The following CSMD1 variants were observed in gnomAD, a reference collection of about 807,000 sequenced individuals.
The protein encoded by CSMD1 is CUB and Sushi multiple domains 1.
A neutral mutation model predicts 417.5 loss-of-function variants in CSMD1; 213 were observed. The ratio of observed to expected loss-of-function variants is 0.51; its 90% CI spans 0.46 to 0.57. CSMD1 has a LOEUF of 0.57. CSMD1 is among the 20% of genes least tolerant of loss of function. The pLI is 0.00. For synonymous variants in CSMD1, 2,862 were observed against 1,736.8 expected, an observed-to-expected ratio of 1.65 and a Z score of -16.11; for missense variants, 6,923 against 4,529.7, an observed-to-expected ratio of 1.53 and a Z score of -15.17.
In CSMD1 at chr8:3,655,745, T is replaced by C. The variant is rs115772818; in HGVS notation, c.1010-38948A>G. 3.2e-3 allele frequency among the ~76,000 whole-genome samples: 485 copies of C among 151,726 alleles called. 3 individuals carry two copies. The highest frequency in any genetic ancestry group is 0.011 in the African/African-American group (454 of 41,306). ...TTATAATTCAGCACAAACATGCTCATTGGGAAATTAGCTACGGCTGTAGGA... is the reference window on the plus strand; with the variant it reads ...TTATAATTCAGCACAAACATGCTCACTGGGAAATTAGCTACGGCTGTAGGA... On this transcript the variant is annotated intron_variant, in intron 7 of 69. Coordinates refer to ENST00000635120, the MANE Select transcript of CSMD1 (RefSeq NM_033225.6).
intron 10 of CSMD1, among the ~76,000 whole-genome samples, chr8:3,561,925 G>C (rs1302946749): frequency 4.6e-5 from 7 of 152,150 alleles, no homozygotes; most frequent in Non-Finnish European, 1.0e-4. Context: ...ATAAGCGAGG[G>C]ATGCAGATGA....
chr8:3,584,281 C>T (rs1017268365), intron 9 of CSMD1, among the ~76,000 whole-genome samples: 3 of 152,136 alleles, frequency 2.0e-5, no homozygotes, highest in African/African-American at 7.2e-5. Context: ...AAGGAAGAGG[C>T]AGAGTCTTGG....
At chr8:4,858,663 C>A (rs1167339376) in intron 1 of CSMD1, among the ~76,000 whole-genome samples, 4 of 151,676 alleles carry the variant, frequency 2.6e-5, no homozygotes, top group Admixed American at 1.3e-4. Flanking sequence ...CTCCCATTCA[C>A]AATTGCTTCA....
At chr8:3,946,396 A>G (rs1811226278) in intron 5 of CSMD1, among the ~76,000 whole-genome samples, 1 of 152,122 alleles carries the variant, frequency 6.6e-6, no homozygotes, top group Admixed American at 6.6e-5. Flanking sequence ...TCTCGTCTAT[A>G]CCATTGAGCA....
chr8:3,115,661 G>A (rs1294776609), intron 42 of CSMD1, among the ~76,000 whole-genome samples: 1 of 152,108 alleles, frequency 6.6e-6, no homozygotes, highest in African/African-American at 2.4e-5. Flanking sequence ...CAGTTTTTCA[G>A]ATAAATTTAT....
At chr8:3,592,001 G>A (rs1800869954) in intron 8 of CSMD1, among the ~76,000 whole-genome samples, 2 of 152,084 alleles carry the variant, frequency 1.3e-5, no homozygotes, top group African/African-American at 4.8e-5. Context: ...AAGACGGATG[G>A]ATAGATGATA....
At chr8:4,208,017 C>T (rs771525805) in intron 3 of CSMD1, among the ~76,000 whole-genome samples, 18 of 151,954 alleles carry the variant, frequency 1.2e-4, no homozygotes, top group Non-Finnish European at 2.5e-4. Flanking sequence ...CCTAAAAGTC[C>T]AACAGTAGGA....
intron 5 of CSMD1, among the ~76,000 whole-genome samples, chr8:3,834,444 C>G (rs977757965): frequency 1.3e-5 from 2 of 152,186 alleles, no homozygotes; most frequent in Non-Finnish European, 2.9e-5. Context: ...ACTCACTGGG[C>G]TTCCCCGGCA....
intron 2 of CSMD1, among the ~76,000 whole-genome samples, chr8:4,597,639 A>T (rs1485737228): frequency 6.6e-6 from 1 of 152,250 alleles, no homozygotes; most frequent in East Asian, 1.9e-4. Flanking sequence ...TACTTGAGAC[A>T]TCTGTAGCAT....
chr8:4,035,551 C>T (rs1384684075), intron 3 of CSMD1, among the ~76,000 whole-genome samples: 2 of 152,090 alleles, frequency 1.3e-5, no homozygotes, highest in Admixed American at 6.6e-5. Flanking sequence ...AAGAGATGAC[C>T]CCGTGCAGGC....
chr8:4,184,998 G>T (rs1171477681), intron 3 of CSMD1, among the ~76,000 whole-genome samples: 1 of 151,806 alleles, frequency 6.6e-6, no homozygotes, highest in African/African-American at 2.4e-5. Flanking sequence ...AATTAGCTGG[G>T]CCTGGTGGTG....
At chr8:3,792,650 T>G (rs1306950232) in intron 5 of CSMD1, among the ~76,000 whole-genome samples, 1 of 152,146 alleles carries the variant, frequency 6.6e-6, no homozygotes, top group Non-Finnish European at 1.5e-5. Flanking sequence ...TCATTTGCCA[T>G]GTTACAGAAA....
In CSMD1 at chr8:4,323,960, C is replaced by G. The variant is rs1196787808; in HGVS notation, c.415+95993G>C. ...ACAGGCATTCAGACTACTGGGCTGTCAGTGCAGCCTGCTGCCTCAAGGACT... is the reference window on the plus strand; with the variant it reads ...ACAGGCATTCAGACTACTGGGCTGTGAGTGCAGCCTGCTGCCTCAAGGACT... On this transcript the variant is annotated intron_variant, in intron 3 of 69. Coordinates refer to ENST00000635120, the MANE Select transcript of CSMD1 (RefSeq NM_033225.6). 2.0e-5 allele frequency among the ~76,000 whole-genome samples: 3 copies of G among 152,264 alleles called. No homozygotes were observed. The East Asian group carries it at 5.8e-4, about 30-fold the overall frequency.
rs141811440 is a variant in CSMD1, at chr8:4,013,334, C to T, written c.611-15224G>A. ...TCGTTCACTCACCGTACGCTGTTGT[C>T]TCAAGGCCAAACACCTGGTTGATCC... On this transcript the variant is annotated intron_variant, in intron 4 of 69. Transcript: ENST00000635120. Among the ~76,000 whole-genome samples the T allele has an allele frequency of 2.0e-5, 3 of 152,304 alleles. No homozygotes were observed. The East Asian group carries it at 5.8e-4, about 29-fold the overall frequency.
chr8:4,011,249 T>C (rs1816512708), intron 4 of CSMD1, among the ~76,000 whole-genome samples: 1 of 152,212 alleles, frequency 6.6e-6, no homozygotes, highest in Non-Finnish European at 1.5e-5. Context: ...AGCCACGACT[T>C]TACCAGTTTT....
At chr8:4,416,656 G>C (rs548711607) in intron 3 of CSMD1, among the ~76,000 whole-genome samples, 2 of 151,984 alleles carry the variant, frequency 1.3e-5, no homozygotes, top group African/African-American at 4.8e-5. Context: ...ATCAGAGAGA[G>C]AGGCTCTTTG....
At chr8:3,382,118 G>A (rs1173312510) in intron 18 of CSMD1, among the ~76,000 whole-genome samples, 1 of 151,990 alleles carries the variant, frequency 6.6e-6, no homozygotes, top group Non-Finnish European at 1.5e-5. Context: ...AATTAGCTGG[G>A]CATGGTGGTG....
chr8:2,973,148 C>A lies in CSMD1; in HGVS notation c.8892G>T (p.Gly2964=), dbSNP rs1804607434. The change falls in exon 57 of 70, where the codon GGG becomes GGT. Residue 2964 remains glycine, a synonymous_variant. Transcript: ENST00000635120. Reference sequence around the variant, plus strand: ...ACACCGGCTGCAGTCCTGACCATGACCCATTGAGCAAACACGTGCGTTCAG... The same window carrying A: ...ACACCGGCTGCAGTCCTGACCATGAACCATTGAGCAAACACGTGCGTTCAG... ...GSPERTCLLN[G]SWSGLQPVCE... is the part of the protein sequence containing the mutation. 2.5e-6 allele frequency: 4 copies of A among 1,613,752 alleles called. No homozygotes were observed. The East Asian group carries it at 6.7e-5, about 27-fold the overall frequency.
intron 3 of CSMD1, among the ~76,000 whole-genome samples, chr8:4,100,616 C>T (rs1801256422): frequency 6.6e-6 from 1 of 152,034 alleles, no homozygotes; most frequent in African/African-American, 2.4e-5. Flanking sequence ...ACAGTTTCCA[C>T]CGTGATAATG....
Sources: allele counts gnomAD v4.1 joint callset (sites outside exome capture counted in the v4.1 genomes callset), GRCh38; gene constraint gnomAD v4.1.1; transcripts MANE v1.5; gene names NCBI Gene and HGNC (gene_info 2026-07-23, HGNC 2026-07-21).